The following MEI1 variants were observed in gnomAD, a reference collection of about 807,000 sequenced individuals.
MEI1 encodes the protein meiotic double-stranded break formation protein 1, also known as meiosis inhibitor protein 1.
In MEI1, 103 loss-of-function variants were observed where a neutral mutation model predicts 146.2. The ratio of observed to expected loss-of-function variants is 0.70; its 90% CI spans 0.60 to 0.83. The LOEUF is 0.83. MEI1 is among the 40% of genes least tolerant of loss of function. The pLI, the probability that MEI1 is intolerant of heterozygous loss-of-function variation, is 0.00. For missense variants in MEI1, 1,529 were observed against 1,533.0 expected (o/e 1.00, Z 0.04); for synonymous variants, 652 against 628.2 (o/e 1.04, Z -0.57).
intron 10 of MEI1, 56 bp from the exon 11 acceptor site, chr22:41,732,413 C>T (rs1014591250): frequency 6.2e-7 from 1 of 1,613,552 alleles, no homozygotes; most frequent in Non-Finnish European, 8.5e-7. Flanking sequence ...GCTTTCACTC[C>T]TGGTGGGGTC....
intron 21 of MEI1, among the ~76,000 whole-genome samples, chr22:41,778,472 G>A (rs777134954): frequency 2.0e-5 from 3 of 152,124 alleles, no homozygotes; most frequent in African/African-American, 4.8e-5. Flanking sequence ...TTGTTTAGTG[G>A]GATTAAATGA....
intron 9 of MEI1, among the ~76,000 whole-genome samples, chr22:41,731,706 T>C (rs1422482997): frequency 6.6e-6 from 1 of 152,210 alleles, no homozygotes; most frequent in East Asian, 1.9e-4. Context: ...CAGTCATTCA[T>C]TTTATATTCC....
In MEI1 at chr22:41,799,447, C is replaced by G. The variant is rs1439217841; in HGVS notation, c.*148C>G. The G allele has an allele frequency of 9.7e-6, 7 of 724,378 alleles. No individual in the cohort carries two copies. The highest frequency in any genetic ancestry group is 1.7e-5 in the South Asian group (1 of 57,470). The allele number at this position is 724,378 out of a possible 1,614,324, so 44.9% of individuals were successfully genotyped here. ...AATAGAATAAGGAAATAAAATGATA[C>G]ACTCACATACCTGCGCGAGCTCTCC... On this transcript the variant is annotated 3_prime_UTR_variant, in exon 31 of 31. Coordinates refer to ENST00000401548, the MANE Select transcript of MEI1 (RefSeq NM_152513.4).
intron 5 of MEI1, 76 bp from the exon 6 acceptor site, chr22:41,717,995 G>C: frequency 8.4e-7 from 1 of 1,197,132 alleles, no homozygotes; most frequent in Non-Finnish European, 1.2e-6. Flanking sequence ...ACCCCGTTAG[G>C]AATAATAGAT....
At chr22:41,764,431 C>G (rs2074713651) in intron 19 of MEI1, among the ~76,000 whole-genome samples, 1 of 152,180 alleles carries the variant, frequency 6.6e-6, no homozygotes, top group Non-Finnish European at 1.5e-5. Flanking sequence ...GTGTGTCTTA[C>G]TTGAAAACCC....
intron 6 of MEI1, among the ~76,000 whole-genome samples, chr22:41,721,881 C>A (rs572150947): frequency 6.7e-6 from 1 of 150,374 alleles, no homozygotes; most frequent in African/African-American, 2.4e-5. Flanking sequence ...CTACCATGCC[C>A]GACTAATTTT....
At chr22:41,768,951 C>A (rs1199710948) in intron 19 of MEI1, among the ~76,000 whole-genome samples, 3 of 152,130 alleles carry the variant, frequency 2.0e-5, no homozygotes, top group Non-Finnish European at 4.4e-5. Context: ...AATTAACAGA[C>A]TGCATTCATG....
At chr22:41,755,051 A>G (rs1406409979) in intron 17 of MEI1, among the ~76,000 whole-genome samples, 1 of 152,162 alleles carries the variant, frequency 6.6e-6, no homozygotes, top group East Asian at 1.9e-4. Context: ...TGCAGGGCTG[A>G]GAGCTGGAAG....
Position 41,723,926 on chromosome 22 carries a change from A to T in MEI1, c.734-17A>T. ...TGTGTTCCTCTTGCCTTACTTCCCA[A>T]TCCCTTTGTTTCCTAGGTTTGCTGA... On this transcript the variant is annotated splice_polypyrimidine_tract_variant and intron_variant, in intron 6 of 30. Coordinates refer to ENST00000401548, the MANE Select transcript of MEI1 (RefSeq NM_152513.4). 5.7e-6 allele frequency: 9 copies of T among 1,581,526 alleles called. No homozygotes were observed. Among genetic ancestry groups the T allele is most frequent in the Non-Finnish European group, 7.7e-6 (9 of 1,163,210 alleles).
rs2069865577 is a variant in MEI1, at chr22:41,714,088, C to T, written c.423+13C>T. 1 of 1,586,392 alleles carries T rather than the reference C, an allele frequency of 6.3e-7. No homozygotes were observed. The highest frequency in any genetic ancestry group is 1.2e-5 in the South Asian group (1 of 86,866). On this transcript the variant is annotated intron_variant, in intron 4 of 30. Transcript: ENST00000401548. ...GTGCCACAAAGAGGTCAGAAAATAG[C>T]TATGGGTTCTTGAGTCTCTCAGAAT... is the stretch of plus-strand genomic sequence containing the variant.
At chr22:41,766,318 C>T (rs2074851987) in intron 19 of MEI1, among the ~76,000 whole-genome samples, 1 of 151,746 alleles carries the variant, frequency 6.6e-6, no homozygotes, top group Admixed American at 6.6e-5. Flanking sequence ...ATTACAGGTG[C>T]GTGCCACCAT....
rs1390975493 is a variant in MEI1 at position 41,729,720 on chromosome 22, C to T, written c.920C>T (p.Ala307Val). The T allele has an allele frequency of 5.6e-6, 9 of 1,612,014 alleles. No homozygotes were observed. The highest frequency in any genetic ancestry group is 2.2e-5 in the East Asian group (1 of 44,836). ...GTGGCCAGTGCTCACTGTATAACTG[C>T]GGTGCTTGTCCACTCCCCAGCAAAG... ...LQVASAHCIT[A>V]VLVHSPAKHA... is the part of the protein sequence containing the mutation. Residue 307 changes from alanine to valine, a missense_variant, in exon 8 of 31, where the codon GCG (alanine) becomes GTG (valine). This residue lies in a region of MEI1 where 1,212 missense variants were observed against 1,178.9 expected (regional missense o/e 1.03). Transcript: ENST00000401548.
At chr22:41,742,320 A>G (rs1472292946) in intron 11 of MEI1, among the ~76,000 whole-genome samples, 1 of 152,074 alleles carries the variant, frequency 6.6e-6, no homozygotes, top group Non-Finnish European at 1.5e-5. Context: ...ACAAAGTTTG[A>G]TCCCTCTTCC....
chr22:41,780,214 T>C (rs2075683066), intron 22 of MEI1, among the ~76,000 whole-genome samples: 1 of 152,178 alleles, frequency 6.6e-6, no homozygotes. Context: ...TGAAATGTAA[T>C]AGGACATTTA....
At position 41,737,127 on chromosome 22, in the gene MEI1, T is replaced by C. The variant is rs1489712540; in HGVS notation, c.1331+4524T>C. On this transcript the variant is annotated intron_variant, in intron 11 of 30. Transcript: ENST00000401548. ...CTGCCCAAAATAATATTCCCTTAAATCATTGTGTGACTGCGTTTTTCTTAT... is the reference window on the plus strand; with the variant it reads ...CTGCCCAAAATAATATTCCCTTAAACCATTGTGTGACTGCGTTTTTCTTAT... Among the ~76,000 whole-genome samples, 3 of 152,210 alleles carry C rather than the reference T, an allele frequency of 2.0e-5. No homozygotes were observed. In the South Asian group the frequency reaches 6.2e-4, roughly 31 times the overall value.
Position 41,778,799 on chromosome 22 carries a change from G to T in MEI1, c.2802G>T (p.Lys934Asn). ...SEQELDSVAM[K>N]LLHQVSKLCG... ...AAGAACTGGACAGCGTGGCCATGAA[G>T]CTCCTTCACCAAGGTGCCCTGGCTG... Residue 934 changes from lysine to asparagine, a missense_variant, in exon 22 of 31, where the codon AAG becomes AAT. By Grantham distance (94) the Lys-to-Asn change is moderately conservative (BLOSUM62 0). Around this residue, in one of 3 missense-constraint regions of MEI1, gnomAD observed 1,212 missense variants for 1,178.9 expected, o/e 1.03. Transcript: ENST00000401548. 6.2e-7 allele frequency: 1 copy of T among 1,603,592 alleles called. No homozygotes were observed. The highest frequency in any genetic ancestry group is 8.5e-7 in the Non-Finnish European group (1 of 1,175,168).
At chr22:41,793,958 G>A in intron 27 of MEI1, 48 bp downstream of exon 27, 1 of 1,516,472 alleles carries the variant, frequency 6.6e-7, no homozygotes, top group Non-Finnish European at 9.1e-7. Context: ...GAGATTAGAG[G>A]GAGCAACACC....
intron 3 of MEI1, chr22:41,709,274 C>T: frequency 1.2e-6 from 1 of 821,424 alleles, no homozygotes; most frequent in Non-Finnish European, 2.1e-6. Context: ...CTTGGCATCT[C>T]CATTTTCTGC....
At chr22:41,740,571 A>G (rs886906753) in intron 11 of MEI1, among the ~76,000 whole-genome samples, 1 of 152,018 alleles carries the variant, frequency 6.6e-6, no homozygotes, top group Non-Finnish European at 1.5e-5. Flanking sequence ...AGGAAACGCT[A>G]TCTCTACAAA....
Sources: allele counts gnomAD v4.1 joint callset (sites outside exome capture counted in the v4.1 genomes callset), GRCh38; gene constraint gnomAD v4.1.1; regional missense constraint gnomAD v4.1.1; transcripts MANE v1.5; gene names NCBI Gene and HGNC (gene_info 2026-07-23, HGNC 2026-07-21).